VPS41: variants seen among roughly 807,000 people sequenced by gnomAD.
VPS41 encodes the protein VPS41 subunit of HOPS complex, also known as vacuolar protein sorting-associated protein 41 homolog.
In VPS41, 85 loss-of-function variants were observed where a neutral mutation model predicts 130.9. The observed-to-expected ratio is 0.65, with a 90% CI of 0.55 to 0.78. The LOEUF (loss-of-function observed/expected upper bound fraction) is 0.78, where lower values mean the gene tolerates loss of function less well. Ranked by LOEUF, VPS41 falls within the 30% of genes least tolerant of loss-of-function variation. The pLI, the probability that VPS41 is intolerant of heterozygous loss-of-function variation, is 0.00. For missense variants in VPS41, 874 were observed against 1,018.7 expected (o/e 0.86, Z 1.93); for synonymous variants, 335 against 332.9 (o/e 1.01, Z -0.07).
intron 19 of VPS41, among the ~76,000 whole-genome samples, chr7:38,755,393 A>T (rs1189389252): frequency 1.3e-5 from 2 of 152,178 alleles, no homozygotes; most frequent in Non-Finnish European, 2.9e-5. Context: ...TTTTATGAGG[A>T]GAAGGGAATA....
At chr7:38,761,915 T>C (rs1783929590) in intron 17 of VPS41, among the ~76,000 whole-genome samples, 1 of 152,070 alleles carries the variant, frequency 6.6e-6, no homozygotes, top group African/African-American at 2.4e-5. Flanking sequence ...TAAGATAAAA[T>C]AGTCTGTAAA....
chr7:38,808,981 G>A (rs1291492518), intron 7 of VPS41, among the ~76,000 whole-genome samples: 2 of 152,086 alleles, frequency 1.3e-5, no homozygotes, highest in African/African-American at 2.4e-5. Context: ...GAATAAATTC[G>A]GGGATCTAAT....
intron 1 of VPS41, 128 bp downstream of exon 1, chr7:38,909,026 C>A: frequency 8.5e-7 from 1 of 1,175,124 alleles, no homozygotes; most frequent in South Asian, 1.2e-5. Context: ...CCCACCCCGC[C>A]CTGCCGCGGA....
chr7:38,876,818 A>C (rs976560982), intron 2 of VPS41, among the ~76,000 whole-genome samples: 1 of 152,204 alleles, frequency 6.6e-6, no homozygotes, highest in Non-Finnish European at 1.5e-5. Context: ...TGTTCAATTC[A>C]AGGAGGAAAA....
intron 22 of VPS41, among the ~76,000 whole-genome samples, chr7:38,749,922 G>A (rs1337620280): frequency 1.3e-5 from 2 of 152,134 alleles, no homozygotes; most frequent in African/African-American, 2.4e-5. Flanking sequence ...GAGTGCACTG[G>A]TGCAATCATA....
chr7:38,867,235 CATGAATAGGAGAAAGAA>C (rs942940139), intron 3 of VPS41, among the ~76,000 whole-genome samples: 4 of 152,060 alleles, frequency 2.6e-5, no homozygotes, highest in Non-Finnish European at 5.9e-5. Context: ...ACAAAAGATT[CATGAATAGGAGAAAGAA>C]AATCTGTGGG....
At chr7:38,813,329 A>T (rs1784980139) in intron 7 of VPS41, among the ~76,000 whole-genome samples, 1 of 152,158 alleles carries the variant, frequency 6.6e-6, no homozygotes, top group Admixed American at 6.5e-5. Flanking sequence ...TAGAGAAAGA[A>T]AATAGATTAG....
chr7:38,859,500 T>G (rs1330495958), intron 4 of VPS41, among the ~76,000 whole-genome samples: 3 of 152,188 alleles, frequency 2.0e-5, no homozygotes, highest in Non-Finnish European at 1.5e-5. Flanking sequence ...CATATTTTTA[T>G]GGTATCATTT....
At chr7:38,873,411 G>A (rs1422639349) in intron 2 of VPS41, among the ~76,000 whole-genome samples, 5 of 151,702 alleles carry the variant, frequency 3.3e-5, no homozygotes, top group African/African-American at 1.2e-4. Context: ...TAAAAGTCTA[G>A]TAGATTATAG....
At chr7:38,872,485 T>C (rs1164349721) in intron 2 of VPS41, among the ~76,000 whole-genome samples, 1 of 152,228 alleles carries the variant, frequency 6.6e-6, no homozygotes, top group Admixed American at 6.5e-5. Context: ...TGATAAGCTG[T>C]CTTAAATTCA....
At chr7:38,852,201 C>A (rs1785872181) in intron 4 of VPS41, among the ~76,000 whole-genome samples, 1 of 152,120 alleles carries the variant, frequency 6.6e-6, no homozygotes, top group African/African-American at 2.4e-5. Flanking sequence ...AAGCGAACAC[C>A]ACCTAACAGG....
rs376835072 is a variant in VPS41 at position 38,892,614 on chromosome 7, C to T, written c.60+5477G>A. On this transcript the variant is annotated intron_variant, in intron 2 of 28. Transcript: ENST00000310301. ...TTCCAGAAATTAATTTGATCATTTG[C>T]TTTTGTTTGAAAATATATTTAATAC... Among the ~76,000 whole-genome samples the T allele has an allele frequency of 2.6e-4, 40 of 152,082 alleles. 1 individual carries two copies. The highest frequency in any genetic ancestry group is 8.2e-4 in the African/African-American group (34 of 41,412).
At chr7:38,843,526 C>T (rs1490237668) in intron 4 of VPS41, among the ~76,000 whole-genome samples, 2 of 148,766 alleles carry the variant, frequency 1.3e-5, no homozygotes, top group East Asian at 3.9e-4. Flanking sequence ...ACTAAAAATA[C>T]AAAAAATTAG....
intron 4 of VPS41, among the ~76,000 whole-genome samples, chr7:38,834,357 A>C (rs1047274280): frequency 1.8e-4 from 28 of 152,206 alleles, no homozygotes; most frequent in Admixed American, 1.4e-3. Context: ...TTCCTTTGAC[A>C]GTTTTATTCA....
At chr7:38,759,348 G>A (rs534586688) in intron 17 of VPS41, among the ~76,000 whole-genome samples, 1 of 152,302 alleles carries the variant, frequency 6.6e-6, no homozygotes, top group East Asian at 1.9e-4. Flanking sequence ...TCACAGAAGT[G>A]TTGTGTTGTG....
intron 5 of VPS41, among the ~76,000 whole-genome samples, chr7:38,825,810 A>C (rs75396439): frequency 0.02 from 3,010 of 152,298 alleles, 108 homozygotes; most frequent in African/African-American, 0.067. Flanking sequence ...ACCTACCCTC[A>C]TGAAACAGTA....
In VPS41 at chr7:38,756,808, T is replaced by C. The variant is rs532159043; in HGVS notation, c.1695+30A>G. On this transcript the variant is annotated intron_variant, in intron 19 of 28. Transcript: ENST00000310301. ...TAAATATTTGGAATAGTAAAAATAATTGACAGTACTAAAATAAAAAGCACA... is the reference window on the plus strand; with the variant it reads ...TAAATATTTGGAATAGTAAAAATAACTGACAGTACTAAAATAAAAAGCACA... The C allele has an allele frequency of 5.7e-6, 8 of 1,405,434 alleles. No individual in the cohort carries two copies. In the East Asian group the frequency reaches 1.2e-4, roughly 21 times the overall value. The allele number at this position is 1,405,434 out of a possible 1,614,324, so 87.1% of individuals were successfully genotyped here. A position where few individuals can be genotyped will look rare whatever the true frequency, so the allele number is the denominator to read the frequency against.
Position 38,795,542 on chromosome 7 carries a change from G to A in VPS41, c.640C>T (p.Arg214Cys), listed in dbSNP as rs759238517. ...AGGCTGCAGGGATACATGTCTGGGC[G>A]AAGACTTATATCATCCCGGGGCACA... ...TNVPRDDISLRPDMYPCSLCW... is the reference protein window; with the variant it reads ...TNVPRDDISLCPDMYPCSLCW... The change falls in exon 9 of 29, where the codon CGC (arginine) becomes TGC (cysteine). Residue 214 changes from arginine (R) to cysteine (C), a missense_variant. Physicochemically the swap from Arg to Cys is radical, Grantham distance 180. Transcript: ENST00000310301. 3.0e-5 allele frequency: 49 copies of A among 1,613,416 alleles called. No homozygotes were observed. Among genetic ancestry groups the A allele is most frequent in the Non-Finnish European group, 2.7e-5 (32 of 1,179,640 alleles).
chr7:38,821,194 A>C lies in VPS41; in HGVS notation c.384+9T>G, dbSNP rs959409441. The C allele has an allele frequency of 6.2e-7, 1 of 1,611,616 alleles. No homozygotes were observed. The highest frequency in any genetic ancestry group is 1.3e-5 in the African/African-American group (1 of 74,826). On this transcript the variant is annotated intron_variant, in intron 6 of 28. Transcript: ENST00000310301. ...CCCTTAGAAAAAGTAAAACTTGCTG[A>C]ATACTTACTTTAATGGGACAGTCAA...
Sources: gnomAD v4.1 joint callset for allele counts (sites outside exome capture counted in the v4.1 genomes callset) on GRCh38, gnomAD v4.1.1 for gene constraint, MANE v1.5 for transcripts, NCBI Gene and HGNC (gene_info 2026-07-23, HGNC 2026-07-21) for gene names.